Variants in STK10 observed in about 807,000 individuals in gnomAD.
STK10 encodes the protein serine/threonine-protein kinase 10.
STK10 carries 78 observed loss-of-function variants against 113.8 expected under a neutral mutation model. The ratio of observed to expected loss-of-function variants is 0.69; its 90% confidence interval spans 0.57 to 0.83. The LOEUF (loss-of-function observed/expected upper bound fraction) is 0.83, where lower values mean the gene tolerates loss of function less well. STK10 is among the 40% of genes least tolerant of loss of function. The pLI, the probability that STK10 is intolerant of heterozygous loss-of-function variation, is 0.00. For synonymous variants in STK10, 465 were observed against 494.7 expected (o/e 0.94, Z 0.80); for missense variants, 1,109 against 1,280.1 (o/e 0.87, Z 2.04).
intron 2 of STK10, among the ~76,000 whole-genome samples, chr5:172,147,454 C>G (rs1441488342): frequency 2.6e-5 from 4 of 151,940 alleles, no homozygotes; most frequent in African/African-American, 9.7e-5. Flanking sequence ...GGCAGTGGCA[C>G]AATCTCGGCT....
At chr5:172,138,984 A>G (rs941737362) in intron 2 of STK10, among the ~76,000 whole-genome samples, 1 of 152,242 alleles carries the variant, frequency 6.6e-6, no homozygotes, top group African/African-American at 2.4e-5. Context: ...ACTGCACTCC[A>G]GTCTGGGCGA....
intron 16 of STK10, 148 bp from the exon 17 acceptor site, chr5:172,054,842 G>A (rs1050295043): frequency 3.4e-5 from 41 of 1,210,172 alleles, no homozygotes; most frequent in South Asian, 5.9e-5. Flanking sequence ...GGCTGTGCCC[G>A]TGTTAAGTCC....
chr5:172,048,466 C>G (rs2113681382), intron 18 of STK10, among the ~76,000 whole-genome samples: 1 of 147,286 alleles, frequency 6.8e-6, no homozygotes, highest in Admixed American at 6.8e-5. Context: ...CTCTCTCTAT[C>G]TTGGTTCTGT....
chr5:172,044,901 C>T lies in STK10; in HGVS notation c.2888G>A (p.Ser963Asn). 6.2e-7 allele frequency: 1 copy of T among 1,614,212 alleles called. No homozygotes were observed. The highest frequency in any genetic ancestry group is 1.1e-5 in the South Asian group (1 of 91,080). Residue 963 changes from serine to asparagine, a missense_variant, in exon 19 of 19, where the codon AGT (serine) becomes AAT (asparagine). Around this residue, in one of 5 missense-constraint regions of STK10, gnomAD observed 885 missense variants for 991.1 expected, o/e 0.89. Coordinates refer to ENST00000176763, the MANE Select transcript of STK10 (RefSeq NM_005990.4). The surrounding 1 kb of genome is among the most constrained non-coding windows in gnomAD (Gnocchi z 4.5). ...PSKAAKFFPYSSADAS is the reference protein window; with the variant it reads ...PSKAAKFFPYNSADAS Reference sequence around the variant, plus strand: ...CGGTTGTTAAGAAGCATCCGCAGAACTGTAGGGGAAGAACTTGGCGGCCTT... The same window carrying T: ...CGGTTGTTAAGAAGCATCCGCAGAATTGTAGGGGAAGAACTTGGCGGCCTT...
chr5:172,118,878 C>CAAAAAAAAA lies in STK10; in HGVS notation c.371-1257_371-1249dup, dbSNP rs3028101. ...TGGGTGACAGAGCGAGACTCAGTCT[C>CAAAAAAAAA]AAAAAAAAAAAAAAAAAAAGTGTCC... is the stretch of plus-strand genomic sequence containing the variant. On this transcript the variant is annotated intron_variant, in intron 3 of 18. Coordinates refer to ENST00000176763, the MANE Select transcript of STK10 (RefSeq NM_005990.4). Among the ~76,000 whole-genome samples, 271 of 71,250 alleles carry CAAAAAAAAA rather than the reference C, an allele frequency of 3.8e-3. 16 individuals carry two copies. The highest frequency in any genetic ancestry group is 9.4e-3 in the Middle Eastern group (1 of 106). 46.7% of individuals were successfully genotyped at this position (71,250 alleles called of 152,430 possible).
chr5:172,116,422 T>C (rs574727308), intron 4 of STK10, among the ~76,000 whole-genome samples: 4 of 152,192 alleles, frequency 2.6e-5, no homozygotes, highest in African/African-American at 9.6e-5. Flanking sequence ...GCCATATCAT[T>C]TGGCGATGCA....
intron 1 of STK10, among the ~76,000 whole-genome samples, chr5:172,175,304 G>C (rs1463363024): frequency 2.0e-5 from 3 of 152,086 alleles, no homozygotes; most frequent in East Asian, 3.9e-4. Context: ...GGTAAGCTAT[G>C]GGGGGAGAAG....
intron 18 of STK10, among the ~76,000 whole-genome samples, chr5:172,049,100 TC>T (rs1445437735): frequency 6.6e-6 from 1 of 152,104 alleles, no homozygotes. Flanking sequence ...CCATGCTGTT[TC>T]CCTCCCTGCT....
Position 172,106,703 on chromosome 5 carries a change from C to A in STK10, c.705G>T (p.Pro235=), listed in dbSNP as rs552023770. 145 of 1,614,046 alleles carry A rather than the reference C, an allele frequency of 9.0e-5. 1 individual carries two copies. The Middle Eastern group carries it at 1.3e-3, about 15-fold the overall frequency. The change falls in exon 6 of 19, where the codon CCG becomes CCT. Residue 235 remains proline, a synonymous_variant. Transcript: ENST00000176763. ...ITLIEMAQIE[P]PHHELNPMRV... ...GCATGGGGTTGAGCTCGTGGTGTGG[C>A]GGCTCGATCTGGGCCATCTCAATCA...
intron 1 of STK10, among the ~76,000 whole-genome samples, chr5:172,173,855 C>G (rs1770705032): frequency 6.6e-6 from 1 of 152,226 alleles, no homozygotes; most frequent in Middle Eastern, 3.2e-3. Context: ...TGAGGCAGGA[C>G]AGTGAGGGCT....
intron 1 of STK10, among the ~76,000 whole-genome samples, chr5:172,172,459 G>A (rs997286315): frequency 2.6e-5 from 4 of 152,204 alleles, no homozygotes; most frequent in African/African-American, 9.7e-5. Context: ...CAGATGTGAC[G>A]CTGGGCTTGG....
intron 1 of STK10, among the ~76,000 whole-genome samples, chr5:172,176,831 G>T (rs59334744): frequency 0.074 from 11,190 of 152,154 alleles, 1,336 homozygotes; most frequent in African/African-American, 0.25. Flanking sequence ...TTAGAAGGAG[G>T]GGCCTTTTGG....
rs952122139 is a variant in STK10, at chr5:172,042,640, T to C, written c.*2242A>G. Reference sequence around the variant, plus strand: ...TGGCCTGGTAGAACTGGGTCTATGTTCTGCAGTTACACTGCCGCTAGTTCA... The same window carrying C: ...TGGCCTGGTAGAACTGGGTCTATGTCCTGCAGTTACACTGCCGCTAGTTCA... On this transcript the variant is annotated 3_prime_UTR_variant, in exon 19 of 19. Coordinates refer to ENST00000176763, the MANE Select transcript of STK10 (RefSeq NM_005990.4). 1 of 152,242 alleles carries C rather than the reference T, an allele frequency of 6.6e-6. No individual in the cohort carries two copies. Among genetic ancestry groups the C allele is most frequent in the African/African-American group, 2.4e-5 (1 of 41,444 alleles). The allele number at this position is 152,242 out of a possible 1,614,324, so 9.4% of individuals were successfully genotyped here. A position where few individuals can be genotyped will look rare whatever the true frequency, so the allele number is the denominator to read the frequency against.
chr5:172,159,006 T>A (rs1457783902), intron 1 of STK10, among the ~76,000 whole-genome samples: 1 of 152,228 alleles, frequency 6.6e-6, no homozygotes, highest in African/African-American at 2.4e-5. Context: ...CCACTAAATT[T>A]ACACTTAAAA....
At chr5:172,121,868 T>C (rs1019113098) in intron 3 of STK10, among the ~76,000 whole-genome samples, 21 of 120,432 alleles carry the variant, frequency 1.7e-4, no homozygotes, top group African/African-American at 6.1e-4. Context: ...GCCTAGCTAA[T>C]ATACTTTTTT....
chr5:172,107,768 T>G lies in STK10; in HGVS notation c.593+12A>C. 1 of 1,613,834 alleles carries G rather than the reference T, an allele frequency of 6.2e-7. No homozygotes were observed. Among genetic ancestry groups the G allele is most frequent in the African/African-American group, 1.3e-5 (1 of 75,038 alleles). ...TCCAGTCCATTCCATTTCCAGAAGC[T>G]ACACGACTCACCAGTAAGGCGTGCC... On this transcript the variant is annotated intron_variant, in intron 5 of 18. Coordinates refer to ENST00000176763, the MANE Select transcript of STK10 (RefSeq NM_005990.4).
chr5:172,079,992 T>C (rs1768395768), intron 12 of STK10, among the ~76,000 whole-genome samples: 1 of 152,254 alleles, frequency 6.6e-6, no homozygotes, highest in South Asian at 2.1e-4. Context: ...TGAAGGTTTG[T>C]GGCAACTCTG....
At chr5:172,045,710 G>A (rs1767482741) in intron 18 of STK10, among the ~76,000 whole-genome samples, 1 of 151,944 alleles carries the variant, frequency 6.6e-6, no homozygotes, top group Non-Finnish European at 1.5e-5. Context: ...TTTTTTTTGA[G>A]ACAGAGTTTT....
intron 14 of STK10, among the ~76,000 whole-genome samples, chr5:172,058,035 G>A (rs1581134084): frequency 6.6e-6 from 1 of 152,176 alleles, no homozygotes; most frequent in East Asian, 1.9e-4. Flanking sequence ...CATGCGTTAT[G>A]AAGACAATGA....
Sources: gnomAD v4.1 joint callset for allele counts (sites outside exome capture counted in the v4.1 genomes callset) on GRCh38, gnomAD v4.1.1 for gene constraint, gnomAD v4.1.1 regional missense constraint, Gnocchi (gnomAD v3.1) non-coding constraint, MANE v1.5 for transcripts, NCBI Gene and HGNC (gene_info 2026-07-23, HGNC 2026-07-21) for gene names.